The following VWF variants were observed in gnomAD, a reference collection of about 807,000 sequenced individuals.
The protein encoded by VWF is Factor VIII related antigen.
VWF carries 176 observed loss-of-function variants against 308.6 expected under a neutral mutation model. The observed-to-expected ratio is 0.57, with a 90% CI of 0.50 to 0.65. VWF has a LOEUF of 0.65. Ranked by LOEUF, VWF falls within the 30% of genes least tolerant of loss-of-function variation. VWF has a pLI of 0.00. For synonymous variants in VWF, 1,385 were observed against 1,443.4 expected (o/e 0.96, Z 0.92); for missense variants, 3,146 against 3,648.2 (o/e 0.86, Z 3.55).
At position 6,020,888 on chromosome 12, in the gene VWF, G is replaced by A. The variant is rs147755945; in HGVS notation, c.3674+1012C>T. Reference sequence around the variant, plus strand: ...CCCGTGTGCCAGCAAAGGAGGTGGGGAGAGGGCTCGAAGCTCTCATGCCCT... The same window carrying A: ...CCCGTGTGCCAGCAAAGGAGGTGGGAAGAGGGCTCGAAGCTCTCATGCCCT... On this transcript the variant is annotated intron_variant, in intron 27 of 51. Transcript: ENST00000261405. This position sits in a 1 kb window ranked among gnomAD's most constrained non-coding sequence, Gnocchi z 4.3. Among the ~76,000 whole-genome samples, 8,412 of 152,288 alleles carry A rather than the reference G, an allele frequency of 0.055. 324 individuals are homozygous for A. Among genetic ancestry groups the A allele is most frequent in the Non-Finnish European group, 0.084 (5,688 of 68,024 alleles).
rs61748511 is a variant in VWF at position 6,022,833 on chromosome 12, A to G, written c.3445T>C (p.Cys1149Arg). Residue 1149 changes from cysteine (C) to arginine (R), a missense_variant, in exon 26 of 52, where the codon TGT becomes CGT. Cys to Arg is a radical substitution (Grantham distance 180). Around this residue, in one of 3 missense-constraint regions of VWF, gnomAD observed 853 missense variants for 1,177.8 expected, o/e 0.72. Coordinates refer to ENST00000261405, the MANE Select transcript of VWF (RefSeq NM_000552.5). ...GYECEWRYNSCAPACQVTCQH... is the reference protein window; with the variant it reads ...GYECEWRYNSRAPACQVTCQH... ...CACGTGACTTGACAGGCAGGTGCAC[A>G]GCTGTTATAGCGCCACTCACACTCA... The G allele has an allele frequency of 1.8e-6, 1 of 541,718 alleles. No individual in the cohort carries two copies. The highest frequency in any genetic ancestry group is 3.2e-6 in the Non-Finnish European group (1 of 316,464). 33.6% of individuals were successfully genotyped at this position (541,718 alleles called of 1,614,324 possible). A position where few individuals can be genotyped will look rare whatever the true frequency, so the allele number is the denominator to read the frequency against.
intron 38 of VWF, among the ~76,000 whole-genome samples, chr12:5,987,634 AC>A (rs2136378257): frequency 6.6e-6 from 1 of 152,378 alleles, no homozygotes; most frequent in African/African-American, 2.4e-5. Context: ...TGTGATACAC[AC>A]ACACCGTGGA....
At chr12:6,077,652 C>T (rs900626151) in intron 6 of VWF, among the ~76,000 whole-genome samples, 1 of 152,152 alleles carries the variant, frequency 6.6e-6, no homozygotes, top group Non-Finnish European at 1.5e-5. Flanking sequence ...GTTGGGGCCA[C>T]GTGAAGATGC....
intron 6 of VWF, among the ~76,000 whole-genome samples, chr12:6,079,199 C>A (rs1944876441): frequency 6.6e-6 from 1 of 152,224 alleles, no homozygotes; most frequent in Non-Finnish European, 1.5e-5. Context: ...TCCGCACTCA[C>A]CTGCAGCCAT....
intron 5 of VWF, among the ~76,000 whole-genome samples, chr12:6,102,098 T>C (rs1022462770): frequency 8.5e-5 from 13 of 152,342 alleles, no homozygotes; most frequent in African/African-American, 3.1e-4. Flanking sequence ...GATTCTTTTA[T>C]TCAATCAACA....
chr12:5,965,757 C>T (rs1943394745), intron 47 of VWF, among the ~76,000 whole-genome samples: 1 of 152,138 alleles, frequency 6.6e-6, no homozygotes, highest in Non-Finnish European at 1.5e-5. Flanking sequence ...AGAGACCCTT[C>T]GTGGCAGAAG....
intron 47 of VWF, chr12:5,953,822 T>C: frequency 1.8e-6 from 1 of 550,006 alleles, no homozygotes; most frequent in Non-Finnish European, 3.3e-6. Context: ...GCCAGTCCTA[T>C]TAAATGAGAC....
Position 6,019,323 on chromosome 12 carries a change from C to T in VWF, c.4095G>A (p.Leu1365=), listed in dbSNP as rs756761688. 4.3e-6 allele frequency: 7 copies of T among 1,613,940 alleles called. No homozygotes were observed. The South Asian group carries it at 6.6e-5, about 15-fold the overall frequency. The change falls in exon 28 of 52, where the codon CTG becomes CTA. Residue 1365 remains leucine (L), a synonymous_variant. Transcript: ENST00000261405. This position sits in a 1 kb window ranked among gnomAD's most constrained non-coding sequence, Gnocchi z 5.8. ...ASTSEVLKYT[L]FQIFSKIDRP... is the part of the protein sequence containing the mutation. ...GGTCGATCTTGCTGAAGATTTGGAA[C>T]AGTGTGTATTTCAAGACCTCGCTGG...
chr12:5,985,443 T>C, intron 39 of VWF, 120 bp downstream of exon 39: 1 of 1,157,028 alleles, frequency 8.6e-7, no homozygotes, highest in Non-Finnish European at 1.2e-6. Context: ...GCCCACCCAC[T>C]CTAGGACTCT....
intron 5 of VWF, among the ~76,000 whole-genome samples, chr12:6,103,495 TACACACACGTATATATATAC>T (rs1275990890): frequency 7.4e-6 from 1 of 135,694 alleles, no homozygotes; most frequent in East Asian, 2.0e-4. Context: ...TATATGTGTA[TACACACACGTATATATATAC>T]ACACATATGT....
In VWF at chr12:6,075,060, G is replaced by C; in HGVS notation, c.874+275C>G. ...AGCAGAGAACACTGTGTGAGTGCAG[G>C]GGTCGGATTTCCTGAGGGAAGTCAG... On this transcript the variant is annotated intron_variant, in intron 7 of 51. Coordinates refer to ENST00000261405, the MANE Select transcript of VWF (RefSeq NM_000552.5). The surrounding 1 kb of genome is among the most constrained non-coding windows in gnomAD (Gnocchi z 4.7). Among the ~76,000 whole-genome samples, 1 of 151,640 alleles carries C rather than the reference G, an allele frequency of 6.6e-6. No homozygotes were observed. The highest frequency in any genetic ancestry group is 1.5e-5 in the Non-Finnish European group (1 of 67,906).
At chr12:6,101,602 C>T in intron 5 of VWF, among the ~76,000 whole-genome samples, 1 of 151,700 alleles carries the variant, frequency 6.6e-6, no homozygotes, top group East Asian at 2.0e-4. Context: ...TGGTGAAACC[C>T]CGTCTCTATT....
chr12:6,081,481 A>G (rs1486624335), intron 6 of VWF, among the ~76,000 whole-genome samples: 1 of 152,182 alleles, frequency 6.6e-6, no homozygotes, highest in East Asian at 1.9e-4. Flanking sequence ...CTGGGATTAC[A>G]GGTACGCGCA....
intron 15 of VWF, among the ~76,000 whole-genome samples, chr12:6,054,063 C>T (rs78140047): frequency 0.03 from 4,588 of 152,282 alleles, 141 homozygotes; most frequent in African/African-American, 0.081. Context: ...CTGAGACCAT[C>T]ACAATCCTTC....
chr12:6,041,048 T>C (rs1451126838), intron 18 of VWF, among the ~76,000 whole-genome samples: 1 of 152,032 alleles, frequency 6.6e-6, no homozygotes, highest in Non-Finnish European at 1.5e-5. Flanking sequence ...CTTAGGGAAA[T>C]TTGGCAGAGT....
At chr12:6,082,542 A>G (rs1345432002) in intron 6 of VWF, among the ~76,000 whole-genome samples, 2 of 152,200 alleles carry the variant, frequency 1.3e-5, no homozygotes, top group African/African-American at 4.8e-5. Flanking sequence ...CTCCCTACAT[A>G]ATGAACTGTA....
In VWF at chr12:5,952,365, A is replaced by G. The variant is rs377745527; in HGVS notation, c.8115+26T>C. On this transcript the variant is annotated intron_variant, in intron 49 of 51. Transcript: ENST00000261405. ...CTTGTTCTTAGAGATTGAGACAGTA[A>G]AGAGGAAAGCAGAATGAGTACTCAC... is the stretch of plus-strand genomic sequence containing the variant. The G allele has an allele frequency of 2.0e-5, 32 of 1,613,386 alleles. No homozygotes were observed. The African/African-American group carries it at 3.6e-4, about 18-fold the overall frequency.
chr12:6,052,025 C>T (rs929655047), intron 16 of VWF, among the ~76,000 whole-genome samples: 1 of 152,322 alleles, frequency 6.6e-6, no homozygotes, highest in South Asian at 2.1e-4. Context: ...CATGGCAACC[C>T]TGTTGAAACC....
At chr12:6,026,829 T>C (rs1944198186) in intron 22 of VWF, among the ~76,000 whole-genome samples, 1 of 152,176 alleles carries the variant, frequency 6.6e-6, no homozygotes, top group Admixed American at 6.5e-5. Flanking sequence ...CTACCCTGAT[T>C]TGATCACTAC....
Sources: allele counts gnomAD v4.1 joint callset (sites outside exome capture counted in the v4.1 genomes callset), GRCh38; gene constraint gnomAD v4.1.1; regional missense constraint gnomAD v4.1.1; non-coding constraint Gnocchi (gnomAD v3.1); transcripts MANE v1.5; gene names NCBI Gene and HGNC (gene_info 2026-07-23, HGNC 2026-07-21).